Variants in ERICH3 observed in about 807,000 individuals in gnomAD.
ERICH3 encodes the protein glutamate rich 3.
Under a neutral mutation model 131.1 loss-of-function variants are expected in ERICH3, and 126 were observed. That is an observed-to-expected ratio of 0.96 (90% CI 0.83 to 1.11). The LOEUF (loss-of-function observed/expected upper bound fraction) is 1.11, where lower values mean the gene tolerates loss of function less well. ERICH3 is among the 50% of genes most tolerant of loss of function. ERICH3 has a pLI of 0.00. For missense variants in ERICH3, 2,050 were observed against 1,810.7 expected, an observed-to-expected ratio of 1.13 and a Z score of -2.40; for synonymous variants, 695 against 644.6, an observed-to-expected ratio of 1.08 and a Z score of -1.18.
At chr1:74,623,335 T>C (rs1160795996) in intron 7 of ERICH3, 2 of 152,244 alleles carry the variant, frequency 1.3e-5, no homozygotes, top group African/African-American at 4.8e-5. Context: ...TCAGTCATTA[T>C]ATATTTGCAA....
chr1:74,638,457 G>C (rs1646410422), intron 5 of ERICH3, among the ~76,000 whole-genome samples: 1 of 152,170 alleles, frequency 6.6e-6, no homozygotes, highest in Non-Finnish European at 1.5e-5. Context: ...TTCCACAGAA[G>C]CAGTTAGATT....
At chr1:74,590,164 T>C in intron 11 of ERICH3, 84 bp from the exon 12 acceptor site, 1 of 1,195,798 alleles carries the variant, frequency 8.4e-7, no homozygotes, top group Non-Finnish European at 1.1e-6. Context: ...CAATTAATAA[T>C]ACTAAAAATT....
Position 74,572,670 on chromosome 1 carries a change from C to G in ERICH3, c.3040G>C (p.Glu1014Gln). 1 of 1,614,066 alleles carries G rather than the reference C, an allele frequency of 6.2e-7. No individual in the cohort carries two copies. The highest frequency in any genetic ancestry group is 8.5e-7 in the Non-Finnish European group (1 of 1,179,998). The stretch of plus-strand genomic sequence containing the variant: ...GCTTCCTTTGCAAGGCTTCCTTCCT[C>G]AGGGCTGCCCTCCGAAACCTGCATC... The part of the protein sequence containing the change: ...SRMQVSEGSP[E>Q]EGSLAKEAFL... Residue 1014 changes from glutamate to glutamine, a missense_variant, in exon 14 of 15, where the codon GAG becomes CAG. Glu to Gln is a conservative substitution (Grantham distance 29). Transcript: ENST00000326665.
intron 3 of ERICH3, among the ~76,000 whole-genome samples, chr1:74,645,445 T>C (rs964825065): frequency 2.2e-4 from 34 of 151,624 alleles, no homozygotes; most frequent in Non-Finnish European, 8.8e-5. Context: ...TTATTTAATA[T>C]ATTACATATT....
chr1:74,658,200 T>C (rs945183044), intron 1 of ERICH3, among the ~76,000 whole-genome samples: 1 of 152,186 alleles, frequency 6.6e-6, no homozygotes, highest in African/African-American at 2.4e-5. Context: ...ATGTTCTCTA[T>C]GAGGTATTCC....
chr1:74,572,360 GC>G lies in ERICH3; in HGVS notation c.3349del (p.Ala1117LeufsTer28). The G allele has an allele frequency of 6.2e-7, 1 of 1,613,736 alleles. No individual in the cohort carries two copies. The highest frequency in any genetic ancestry group is 8.5e-7 in the Non-Finnish European group (1 of 1,179,998). On this transcript the variant is annotated frameshift_variant, in exon 14 of 15. Transcript: ENST00000326665. LOFTEE classifies it high-confidence loss of function. ...TEVRAEEETK[A>X]PPNEMGSDAE... is the part of the protein sequence containing the mutation. ...ATCAGATCCCATTTCATTTGGGGGA[GC>G]TTTTGTCTCTTCCTCAGCTCTTACT...
intron 6 of ERICH3, among the ~76,000 whole-genome samples, chr1:74,635,879 T>G (rs985737987): frequency 2.0e-5 from 3 of 152,208 alleles, no homozygotes; most frequent in African/African-American, 7.2e-5. Context: ...GGAAAGTAAG[T>G]CGGCATGCAA....
chr1:74,570,721 A>G (rs914002078), intron 14 of ERICH3, among the ~76,000 whole-genome samples: 7 of 152,170 alleles, frequency 4.6e-5, no homozygotes, highest in Non-Finnish European at 7.4e-5. Context: ...TTAAAACACT[A>G]AGGTGGAAAT....
chr1:74,625,557 T>C (rs1271293693), intron 7 of ERICH3: 6 of 152,156 alleles, frequency 3.9e-5, no homozygotes, highest in African/African-American at 1.4e-4. Flanking sequence ...TTGTGCTTTA[T>C]TTATATCACA....
intron 9 of ERICH3, among the ~76,000 whole-genome samples, chr1:74,607,882 ACT>A (rs920892422): frequency 6.6e-6 from 1 of 151,848 alleles, no homozygotes; most frequent in Non-Finnish European, 1.5e-5. Context: ...ATTATTGAGC[ACT>A]CTCTCTGTGC....
At chr1:74,602,339 A>T (rs1424772686) in intron 10 of ERICH3, among the ~76,000 whole-genome samples, 3 of 151,876 alleles carry the variant, frequency 2.0e-5, no homozygotes, top group Non-Finnish European at 4.4e-5. Context: ...AAAGCACACC[A>T]CCTTTGTGTC....
At chr1:74,661,752 G>A (rs539588114) in intron 1 of ERICH3, among the ~76,000 whole-genome samples, 1 of 152,016 alleles carries the variant, frequency 6.6e-6, no homozygotes, top group East Asian at 1.9e-4. Context: ...ATTATATGTC[G>A]ATATTTATTA....
chr1:74,616,423 C>T (rs147218498), intron 8 of ERICH3, among the ~76,000 whole-genome samples: 63 of 152,192 alleles, frequency 4.1e-4, no homozygotes, highest in African/African-American at 1.2e-3. Context: ...TTGATAAGCT[C>T]CCTATATATC....
chr1:74,646,693 T>C lies in ERICH3; in HGVS notation c.217A>G (p.Ile73Val). ...TCCATATCAAGAACTTTATGAAAAA[T>C]TGCCTGGGCTAAGCATTCCCGGATA... ...KYIRECLAQA[I>V]FHKVLDMERY... The change falls in exon 3 of 15, where the codon ATT becomes GTT. Residue 73 changes from isoleucine (I) to valine (V), a missense_variant. Physicochemically the swap from Ile to Val is conservative, Grantham distance 29 (BLOSUM62 3). Transcript: ENST00000326665. The C allele has an allele frequency of 7.0e-7, 1 of 1,430,482 alleles. No homozygotes were observed. Among genetic ancestry groups the C allele is most frequent in the East Asian group, 2.6e-5 (1 of 38,902 alleles). The allele number at this position is 1,430,482 out of a possible 1,614,324, so 88.6% of individuals were successfully genotyped here.
intron 1 of ERICH3, among the ~76,000 whole-genome samples, chr1:74,664,322 A>G (rs528258570): frequency 9.2e-5 from 14 of 152,124 alleles, no homozygotes; most frequent in Non-Finnish European, 5.9e-5. Context: ...AAAAAAAAAA[A>G]AACTTGTATC....
chr1:74,602,123 A>G (rs1165478590), intron 10 of ERICH3, among the ~76,000 whole-genome samples: 1 of 151,878 alleles, frequency 6.6e-6, no homozygotes, highest in African/African-American at 2.4e-5. Context: ...CACAATTAGG[A>G]CACAATTACA....
chr1:74,674,010 G>T (rs1041864636), upstream of ERICH3, among the ~76,000 whole-genome samples: 2 of 152,192 alleles, frequency 1.3e-5, no homozygotes, highest in African/African-American at 4.8e-5. Flanking sequence ...GGGAAGGAAG[G>T]ACTGGGTAGC....
In ERICH3 at chr1:74,569,431, T is replaced by C. The variant is rs1172428464; in HGVS notation, c.*1027A>G. ...TGAAAACCCCTAGGAGACAGGCTGA[T>C]ACACAACTAGAAAATAATATCAGGG... On this transcript the variant is annotated 3_prime_UTR_variant, in exon 15 of 15. Transcript: ENST00000326665. The C allele has an allele frequency of 2.0e-5, 3 of 152,136 alleles. No homozygotes were observed. Among genetic ancestry groups the C allele is most frequent in the Admixed American group, 1.3e-4 (2 of 15,274 alleles). The allele number at this position is 152,136 out of a possible 1,614,324, so 9.4% of individuals were successfully genotyped here. A position where few individuals can be genotyped will look rare whatever the true frequency, so the allele number is the denominator to read the frequency against.
rs1570802856 is a variant in ERICH3 at position 74,576,923 on chromosome 1, C to T, written c.2190G>A (p.Leu730=). Residue 730 remains leucine, a synonymous_variant, in exon 13 of 15, where the codon TTG becomes TTA. Coordinates refer to ENST00000326665, the MANE Select transcript of ERICH3 (RefSeq NM_001002912.5). ...CAAGAGCCAGGACATAGGCTAATGG[C>T]AATGAATCCTTTCCTAGTTAAAAAA... ...PGLEEGGKDS[L]PLAYVLALGA... is the part of the protein sequence containing the mutation. 6.3e-7 allele frequency: 1 copy of T among 1,579,006 alleles called. No individual in the cohort carries two copies. Among genetic ancestry groups the T allele is most frequent in the Non-Finnish European group, 8.6e-7 (1 of 1,164,556 alleles).
Sources: gnomAD v4.1 joint callset for allele counts (sites outside exome capture counted in the v4.1 genomes callset) on GRCh38, gnomAD v4.1.1 for gene constraint, MANE v1.5 for transcripts, NCBI Gene and HGNC (gene_info 2026-07-23, HGNC 2026-07-21) for gene names.